PRR16: variants seen among roughly 807,000 people sequenced by gnomAD.
The protein encoded by PRR16 is protein Largen.
Under a neutral mutation model 18.2 loss-of-function variants are expected in PRR16, and 6 were observed. The observed-to-expected ratio is 0.33, with a 90% CI of 0.18 to 0.65. PRR16 has a LOEUF of 0.65. PRR16 is among the 30% of genes least tolerant of loss of function. PRR16 has a pLI of 0.74. For synonymous variants in PRR16, 151 were observed against 147.8 expected (o/e 1.02, Z -0.16); for missense variants, 412 against 376.6 (o/e 1.09, Z -0.78).
the PRR16 span, among the ~76,000 whole-genome samples, chr5:120,742,677 C>T: frequency 0.033 from 5,063 of 152,106 alleles, 218 homozygotes; most frequent in African/African-American, 0.099. Flanking sequence ...GTATTTGTTT[C>T]TCCTTTCTGC....
intron 1 of PRR16, among the ~76,000 whole-genome samples, chr5:120,478,084 C>T (rs887213930): frequency 3.3e-5 from 5 of 152,028 alleles, no homozygotes; most frequent in African/African-American, 1.2e-4. Flanking sequence ...TTTTTGTTCT[C>T]TTTTTATATT....
chr5:120,616,875 C>A (rs1284553782), intron 1 of PRR16, among the ~76,000 whole-genome samples: 1 of 152,136 alleles, frequency 6.6e-6, no homozygotes, highest in African/African-American at 2.4e-5. Flanking sequence ...TATGTTTTCA[C>A]TCACAATACG....
At chr5:120,697,327 A>ATGAG in the PRR16 span, among the ~76,000 whole-genome samples, 1 of 152,234 alleles carries the variant, frequency 6.6e-6, no homozygotes, top group African/African-American at 2.4e-5. Context: ...TGGGACAAGA[A>ATGAG]TGAGTACTCC....
chr5:120,720,432 T>C, the PRR16 span, among the ~76,000 whole-genome samples: 1 of 152,050 alleles, frequency 6.6e-6, no homozygotes, highest in African/African-American at 2.4e-5. Flanking sequence ...AGTGAAGTCC[T>C]CCCAACCCTC....
rs183268031 is a variant in PRR16, at chr5:120,576,357, C to T, written c.160-109597C>T. Among the ~76,000 whole-genome samples, 34 of 152,216 alleles carry T rather than the reference C, an allele frequency of 2.2e-4. 1 individual carries two copies. Among genetic ancestry groups the T allele is most frequent in the Admixed American group, 2.2e-3 (33 of 15,288 alleles). On this transcript the variant is annotated intron_variant, in intron 1 of 1. Coordinates refer to ENST00000407149, the MANE Select transcript of PRR16 (RefSeq NM_001300783.2). ...CATGAATGAAAACTGGACAGCAGTT[C>T]CTGAGTAGATATTTCTCAAAAGAAG...
the PRR16 span, among the ~76,000 whole-genome samples, chr5:120,719,720 T>G: frequency 1.3e-5 from 2 of 152,102 alleles, no homozygotes; most frequent in African/African-American, 2.4e-5. Context: ...ATTTTCTATT[T>G]GTAGAAATGT....
At chr5:120,636,089 CA>C (rs1755218458) in intron 1 of PRR16, among the ~76,000 whole-genome samples, 1 of 152,032 alleles carries the variant, frequency 6.6e-6, no homozygotes, top group South Asian at 2.1e-4. Context: ...AAGACTTCTA[CA>C]AGGAAAACTA....
chr5:120,640,392 T>C (rs923453657), intron 1 of PRR16, among the ~76,000 whole-genome samples: 5 of 152,134 alleles, frequency 3.3e-5, no homozygotes, highest in Admixed American at 6.6e-5. Flanking sequence ...TTATATTCAA[T>C]GCATTAACAT....
At chr5:120,567,901 T>G (rs1213927660) in intron 1 of PRR16, among the ~76,000 whole-genome samples, 1 of 152,116 alleles carries the variant, frequency 6.6e-6, no homozygotes, top group Non-Finnish European at 1.5e-5. Context: ...CATACATGAT[T>G]TATCACTTTG....
At chr5:120,556,237 T>TG (rs1355935945) in intron 1 of PRR16, among the ~76,000 whole-genome samples, 1 of 149,058 alleles carries the variant, frequency 6.7e-6, no homozygotes, top group Non-Finnish European at 1.5e-5. Context: ...TTCATTGTTT[T>TG]TTTTTTTTTT....
At chr5:120,710,290 A>G in the PRR16 span, among the ~76,000 whole-genome samples, 1 of 152,176 alleles carries the variant, frequency 6.6e-6, no homozygotes, top group Non-Finnish European at 1.5e-5. Flanking sequence ...TGCATAGTAC[A>G]TACAAGGCTT....
the PRR16 span, among the ~76,000 whole-genome samples, chr5:120,738,306 A>G: frequency 2.6e-5 from 4 of 152,052 alleles, no homozygotes; most frequent in Non-Finnish European, 4.4e-5. Context: ...TAAATATTTC[A>G]TTAAGTTGGA....
chr5:120,786,044 T>G, the PRR16 span, among the ~76,000 whole-genome samples: 5 of 151,630 alleles, frequency 3.3e-5, no homozygotes, highest in Non-Finnish European at 5.9e-5. Flanking sequence ...TTATTAATTT[T>G]TAAATTTTCA....
chr5:120,503,506 G>C (rs984691634), intron 1 of PRR16, among the ~76,000 whole-genome samples: 2 of 152,108 alleles, frequency 1.3e-5, no homozygotes, highest in Non-Finnish European at 2.9e-5. Flanking sequence ...CTGACCTATT[G>C]TGTGGTAAGA....
At chr5:120,724,761 T>A in the PRR16 span, among the ~76,000 whole-genome samples, 2 of 152,012 alleles carry the variant, frequency 1.3e-5, no homozygotes, top group Non-Finnish European at 2.9e-5. Flanking sequence ...GCACAACGTC[T>A]CAGGGCATAA....
chr5:120,702,366 C>G, the PRR16 span, among the ~76,000 whole-genome samples: 1 of 151,758 alleles, frequency 6.6e-6, no homozygotes, highest in South Asian at 2.1e-4. Context: ...GGGGTACTTG[C>G]CCCTCCTGTA....
intron 1 of PRR16, among the ~76,000 whole-genome samples, chr5:120,484,261 T>A (rs2691097): frequency 2.7e-5 from 4 of 148,192 alleles, no homozygotes; most frequent in African/African-American, 9.8e-5. Flanking sequence ...ACTCTAGTAC[T>A]GAAAGTTAAA....
At chr5:120,792,380 T>C in the PRR16 span, among the ~76,000 whole-genome samples, 3 of 152,130 alleles carry the variant, frequency 2.0e-5, no homozygotes, top group African/African-American at 7.2e-5. Flanking sequence ...TCTTAAGTTT[T>C]GATTATATTT....
At chr5:120,590,157 T>G (rs6862435) in intron 1 of PRR16, among the ~76,000 whole-genome samples, 1 of 151,906 alleles carries the variant, frequency 6.6e-6, no homozygotes, top group Non-Finnish European at 1.5e-5. Context: ...ATAACAATAT[T>G]GAATGCTGTA....
Sources: gnomAD v4.1 joint callset for allele counts (sites outside exome capture counted in the v4.1 genomes callset) on GRCh38, gnomAD v4.1.1 for gene constraint, MANE v1.5 for transcripts, NCBI Gene and HGNC (gene_info 2026-07-23, HGNC 2026-07-21) for gene names.